Variants in FAM171B observed in about 807,000 individuals in gnomAD.
FAM171B encodes the protein protein FAM171B.
In FAM171B, 19 loss-of-function variants were observed where a neutral mutation model predicts 75.6. That is an observed-to-expected ratio of 0.25 (90% CI 0.18 to 0.37). The LOEUF (loss-of-function observed/expected upper bound fraction) is 0.37. Among genes scored for constraint, FAM171B ranks in the 10% least tolerant of loss-of-function variants. The pLI is 1.00. For synonymous variants in FAM171B, 367 were observed against 361.7 expected, an observed-to-expected ratio of 1.01 and a Z score of -0.17; for missense variants, 848 against 982.4, an observed-to-expected ratio of 0.86 and a Z score of 1.83.
rs1274035960 is a variant in FAM171B, at chr2:186,694,257, G to T, written c.84G>T (p.Ala28=). The T allele has an allele frequency of 1.2e-6, 2 of 1,611,076 alleles. No individual in the cohort carries two copies. The highest frequency in any genetic ancestry group is 1.3e-5 in the African/African-American group (1 of 74,916). ...VVLLKARLVP[A]AARAELSRSD... Reference sequence around the variant, plus strand: ...TGCTGAAAGCGCGGCTGGTCCCCGCGGCCGCCAGAGCGGAACTCAGCCGCT... The same window carrying T: ...TGCTGAAAGCGCGGCTGGTCCCCGCTGCCGCCAGAGCGGAACTCAGCCGCT... Residue 28 remains alanine (A), a synonymous_variant, in exon 1 of 8, where the codon GCG becomes GCT. Coordinates refer to ENST00000304698, the MANE Select transcript of FAM171B (RefSeq NM_177454.4).
chr2:186,740,127 A>G (rs1473895253), intron 1 of FAM171B, 101 bp from the exon 2 acceptor site: 2 of 740,448 alleles, frequency 2.7e-6, no homozygotes, highest in East Asian at 2.7e-5. Context: ...GTTTAACAAC[A>G]GTTTTGTACT....
In FAM171B at chr2:186,763,641, C is replaced by T. The variant is rs1690657142; in HGVS notation, c.*818C>T. On this transcript the variant is annotated 3_prime_UTR_variant, in exon 8 of 8. Transcript: ENST00000304698. Reference sequence around the variant, plus strand: ...CAATCTATGACTTTGGTTTAAGGCTCACTGATACTTTTAGGCTAAATTGGT... The same window carrying T: ...CAATCTATGACTTTGGTTTAAGGCTTACTGATACTTTTAGGCTAAATTGGT... 1 of 151,906 alleles carries T rather than the reference C, an allele frequency of 6.6e-6. No individual in the cohort carries two copies. The highest frequency in any genetic ancestry group is 1.5e-5 in the Non-Finnish European group (1 of 67,954). 9.4% of individuals were successfully genotyped at this position (151,906 alleles called of 1,614,324 possible). A position where few individuals can be genotyped will look rare whatever the true frequency, so the allele number is the denominator to read the frequency against.
intron 1 of FAM171B, among the ~76,000 whole-genome samples, chr2:186,704,991 A>C (rs1166909370): frequency 1.3e-5 from 2 of 152,182 alleles, no homozygotes; most frequent in African/African-American, 2.4e-5. Context: ...GCGAGCCCCA[A>C]AGTGGGGCTT....
At position 186,754,023 on chromosome 2, in the gene FAM171B, T is replaced by G. The variant is rs745607684; in HGVS notation, c.986T>G (p.Ile329Arg). The G allele has an allele frequency of 3.7e-6, 6 of 1,604,474 alleles. No individual in the cohort carries two copies. The highest frequency in any genetic ancestry group is 4.2e-6 in the Non-Finnish European group (5 of 1,177,010). ...GATGCACCACATTTGGGGTACTGGA[T>G]AGCAGCTCCACTTCCAGGAACTAGA... ...TYDAPHLGYW[I>R]AAPLPGTRGS... is the part of the protein sequence containing the mutation. The change falls in exon 6 of 8, where the codon ATA becomes AGA. Residue 329 changes from isoleucine to arginine, a missense_variant. Coordinates refer to ENST00000304698, the MANE Select transcript of FAM171B (RefSeq NM_177454.4).
In FAM171B at chr2:186,762,128, C is replaced by G. The variant is rs986844897; in HGVS notation, c.1786C>G (p.Gln596Glu). The change falls in exon 8 of 8, where the codon CAG (glutamine) becomes GAG (glutamate). Residue 596 changes from glutamine to glutamate, a missense_variant. By Grantham distance (29) the Gln-to-Glu change is conservative. Transcript: ENST00000304698. The surrounding 1 kb of genome is among the most constrained non-coding windows in gnomAD (Gnocchi z 4.0). ...LPKMPIHSHA[Q>E]PPDAREEDII... ...CAAAATGCCAATTCATTCTCATGCA[C>G]AGCCCCCAGATGCCAGGGAAGAGGA... 2 of 1,613,592 alleles carry G rather than the reference C, an allele frequency of 1.2e-6. No individual in the cohort carries two copies. Among genetic ancestry groups the G allele is most frequent in the African/African-American group, 2.7e-5 (2 of 74,872 alleles).
intron 1 of FAM171B, among the ~76,000 whole-genome samples, chr2:186,725,499 A>T (rs1225391425): frequency 6.6e-6 from 1 of 152,090 alleles, no homozygotes; most frequent in Non-Finnish European, 1.5e-5. Flanking sequence ...GGGATATCTG[A>T]GCTGAGTCTC....
At chr2:186,753,252 G>T (rs951425679) in intron 5 of FAM171B, among the ~76,000 whole-genome samples, 3 of 152,048 alleles carry the variant, frequency 2.0e-5, no homozygotes, top group African/African-American at 7.2e-5. Flanking sequence ...AGGCTCAAGC[G>T]ATTCTCCTGC....
chr2:186,725,848 A>G (rs976319933), intron 1 of FAM171B, among the ~76,000 whole-genome samples: 31 of 152,354 alleles, frequency 2.0e-4, no homozygotes, highest in Admixed American at 1.2e-3. Context: ...AATTGGGAAG[A>G]AAAAACAAGT....
intron 1 of FAM171B, among the ~76,000 whole-genome samples, chr2:186,713,871 A>G (rs1451581135): frequency 1.3e-5 from 2 of 152,190 alleles, no homozygotes. Context: ...TTTGTTTTGA[A>G]TTCAAACAAC....
rs141186209 is a variant in FAM171B at position 186,760,170 on chromosome 2, A to G, written c.1013-943A>G. ...ATGTATGTTTTTACCAGTAGCATTCATTTTTATGTTGAAATCATCCTAGTC... is the reference window on the plus strand; with the variant it reads ...ATGTATGTTTTTACCAGTAGCATTCGTTTTTATGTTGAAATCATCCTAGTC... On this transcript the variant is annotated intron_variant, in intron 6 of 7. Coordinates refer to ENST00000304698, the MANE Select transcript of FAM171B (RefSeq NM_177454.4). Among the ~76,000 whole-genome samples the G allele has an allele frequency of 1.2e-3, 184 of 152,086 alleles. 1 individual carries two copies. Among genetic ancestry groups the G allele is most frequent in the African/African-American group, 4.1e-3 (172 of 41,534 alleles).
chr2:186,729,400 A>C (rs2595394), intron 1 of FAM171B, among the ~76,000 whole-genome samples: 10,992 of 152,156 alleles, frequency 0.072, 423 homozygotes, highest in Non-Finnish European at 0.094. Flanking sequence ...TCAGATATTT[A>C]ATCATGGAAT....
chr2:186,750,496 A>G (rs182864904), intron 4 of FAM171B, among the ~76,000 whole-genome samples: 1 of 152,344 alleles, frequency 6.6e-6, no homozygotes, highest in Admixed American at 6.5e-5. Context: ...AGTTGTATGA[A>G]TAATCAAGTA....
At chr2:186,749,227 A>T (rs1172979602) in intron 4 of FAM171B, among the ~76,000 whole-genome samples, 1 of 152,164 alleles carries the variant, frequency 6.6e-6, no homozygotes, top group Non-Finnish European at 1.5e-5. Context: ...TCCTTTCATA[A>T]AAGTTCTGTT....
chr2:186,716,649 A>G (rs1689879070), intron 1 of FAM171B, among the ~76,000 whole-genome samples: 1 of 152,128 alleles, frequency 6.6e-6, no homozygotes, highest in Non-Finnish European at 1.5e-5. Flanking sequence ...TCTGTTTAGT[A>G]GGTATGTCGT....
intron 6 of FAM171B, among the ~76,000 whole-genome samples, chr2:186,756,856 G>A (rs549489790): frequency 6.6e-6 from 1 of 152,208 alleles, no homozygotes; most frequent in South Asian, 2.1e-4. Flanking sequence ...AATTTGCTAT[G>A]ATGGCTCACA....
intron 1 of FAM171B, among the ~76,000 whole-genome samples, chr2:186,729,796 G>C (rs1240595457): frequency 1.2e-4 from 18 of 152,126 alleles, no homozygotes; most frequent in Admixed American, 1.2e-3. Flanking sequence ...TCTGAGCATT[G>C]GTTGTGAGAA....
intron 1 of FAM171B, among the ~76,000 whole-genome samples, chr2:186,694,793 A>ACACACACACC (rs1181618643): frequency 7.2e-6 from 1 of 139,610 alleles, no homozygotes; most frequent in African/African-American, 3.0e-5. Context: ...ACACACACAC[A>ACACACACACC]CCGTTCTTAA....
At chr2:186,750,242 CTTTG>C (rs941243953) in intron 4 of FAM171B, among the ~76,000 whole-genome samples, 4 of 152,062 alleles carry the variant, frequency 2.6e-5, no homozygotes, top group African/African-American at 7.2e-5. Flanking sequence ...TATATTATAA[CTTTG>C]TTTGGCATTG....
chr2:186,761,735 G>A lies in FAM171B; in HGVS notation c.1393G>A (p.Glu465Lys), dbSNP rs1334926829. ...TCGGGACGATTTTAAAATCTACAATGAAGATGTTTCATTTCTATCAGTCAA... is the reference window on the plus strand; with the variant it reads ...TCGGGACGATTTTAAAATCTACAATAAAGATGTTTCATTTCTATCAGTCAA... ...KTRDDFKIYN[E>K]DVSFLSVNQN... Residue 465 changes from glutamate to lysine, a missense_variant, in exon 8 of 8, where the codon GAA becomes AAA. Coordinates refer to ENST00000304698, the MANE Select transcript of FAM171B (RefSeq NM_177454.4). The A allele has an allele frequency of 5.0e-6, 8 of 1,613,444 alleles. No homozygotes were observed. Among genetic ancestry groups the A allele is most frequent in the Non-Finnish European group, 6.8e-6 (8 of 1,179,694 alleles).
Sources: gnomAD v4.1 joint callset for allele counts (sites outside exome capture counted in the v4.1 genomes callset) on GRCh38, gnomAD v4.1.1 for gene constraint, Gnocchi (gnomAD v3.1) non-coding constraint, MANE v1.5 for transcripts, NCBI Gene and HGNC (gene_info 2026-07-23, HGNC 2026-07-21) for gene names.